Variants in SCN2A observed in about 807,000 individuals in gnomAD.
The protein encoded by SCN2A is sodium channel protein type 2 subunit alpha.
A neutral mutation model predicts 188.7 loss-of-function variants in SCN2A; 20 were observed. The ratio of observed to expected loss-of-function variants is 0.11; its 90% CI spans 0.07 to 0.15. The LOEUF (loss-of-function observed/expected upper bound fraction) is 0.15. SCN2A is among the 10% of genes least tolerant of loss of function. SCN2A has a pLI of 1.00. For missense variants in SCN2A, 1,278 were observed against 2,445.0 expected, an observed-to-expected ratio of 0.52 and a Z score of 10.07; for synonymous variants, 804 against 833.1, an observed-to-expected ratio of 0.97 and a Z score of 0.60.
chr2:165,240,416 G>A (rs760831682), intron 1 of SCN2A, among the ~76,000 whole-genome samples: 20 of 152,078 alleles, frequency 1.3e-4, no homozygotes, highest in Non-Finnish European at 2.6e-4. Flanking sequence ...GTTAAAGAGT[G>A]GAATGACTCA....
At chr2:165,262,225 T>A (rs1428929194) in intron 1 of SCN2A, among the ~76,000 whole-genome samples, 2 of 152,134 alleles carry the variant, frequency 1.3e-5, no homozygotes, top group East Asian at 1.9e-4. Context: ...ATTTCTTTTT[T>A]AAAAAAATTT....
At chr2:165,362,382 A>G (rs72874364) in intron 17 of SCN2A, among the ~76,000 whole-genome samples, 20,948 of 151,984 alleles carry the variant, frequency 0.14, 1,499 homozygotes, top group Non-Finnish European at 0.15. Flanking sequence ...TTATAATTTG[A>G]AATTCCAGAG....
intron 1 of SCN2A, among the ~76,000 whole-genome samples, chr2:165,283,872 A>C (rs1695700421): frequency 6.6e-6 from 1 of 152,168 alleles, no homozygotes; most frequent in African/African-American, 2.4e-5. Context: ...ATACACCCTG[A>C]TCACTCCCAC....
At chr2:165,292,709 T>C (rs560745898) in intron 1 of SCN2A, among the ~76,000 whole-genome samples, 1 of 152,358 alleles carries the variant, frequency 6.6e-6, no homozygotes, top group East Asian at 1.9e-4. Flanking sequence ...TGTTTTCTTT[T>C]TATGATTGAG....
At chr2:165,387,119 C>A in intron 26 of SCN2A, 103 bp downstream of exon 26, 1 of 1,196,634 alleles carries the variant, frequency 8.4e-7, no homozygotes, top group Non-Finnish European at 1.2e-6. Context: ...TCATCCCAAA[C>A]TCCCAAATAA....
chr2:165,249,223 T>A (rs1023916108), intron 1 of SCN2A, among the ~76,000 whole-genome samples: 4 of 152,130 alleles, frequency 2.6e-5, no homozygotes, highest in Non-Finnish European at 5.9e-5. Flanking sequence ...ATATGCTGTT[T>A]TAGTCATAGG....
At chr2:165,331,195 C>T in intron 13 of SCN2A, 135 bp from the exon 14 acceptor site, 1 of 729,650 alleles carries the variant, frequency 1.4e-6, no homozygotes, top group Non-Finnish European at 2.4e-6. Flanking sequence ...GTAAAATTTT[C>T]CCTGTTCCTC....
intron 19 of SCN2A, among the ~76,000 whole-genome samples, chr2:165,368,900 CA>C (rs1700873186): frequency 6.6e-6 from 1 of 151,744 alleles, no homozygotes; most frequent in African/African-American, 2.4e-5. Flanking sequence ...TAAAGAGGAT[CA>C]GCCATGCTTT....
At chr2:165,318,968 T>C (rs1343372679) in intron 11 of SCN2A, among the ~76,000 whole-genome samples, 1 of 152,204 alleles carries the variant, frequency 6.6e-6, no homozygotes, top group East Asian at 1.9e-4. Flanking sequence ...GTTACTAATG[T>C]AGTTAATAGG....
At chr2:165,323,541 T>G in intron 12 of SCN2A, 41 bp downstream of exon 12, 1 of 1,542,634 alleles carries the variant, frequency 6.5e-7, no homozygotes. Context: ...AAGAGAGTTG[T>G]GACTGGTGCA....
intron 13 of SCN2A, among the ~76,000 whole-genome samples, chr2:165,328,830 A>G (rs1698506177): frequency 6.6e-6 from 1 of 152,098 alleles, no homozygotes; most frequent in African/African-American, 2.4e-5. Flanking sequence ...GTGAGAAATA[A>G]TGGCCAAGTT....
chr2:165,297,393 A>G (rs1696568504), intron 3 of SCN2A, among the ~76,000 whole-genome samples: 1 of 152,200 alleles, frequency 6.6e-6, no homozygotes, highest in African/African-American at 2.4e-5. Flanking sequence ...ATTGCTTGCC[A>G]CATCCCAAGC....
chr2:165,368,530 G>T (rs1336762049), intron 19 of SCN2A, among the ~76,000 whole-genome samples: 1 of 152,072 alleles, frequency 6.6e-6, no homozygotes, highest in South Asian at 2.1e-4. Context: ...ACTCCATGCT[G>T]CAGGGGACTC....
rs546968167 is a variant in SCN2A at position 165,382,296 on chromosome 2, A to G, written c.4551+1099A>G. Among the ~76,000 whole-genome samples the G allele has an allele frequency of 2.6e-5, 4 of 152,270 alleles. No homozygotes were observed. In the South Asian group the frequency reaches 6.2e-4, roughly 24 times the overall value. ...TCTAATTAAGCAATACAAATGCAAT[A>G]TAGTTAACAGAACAGCCTAGTAATG... On this transcript the variant is annotated intron_variant, in intron 25 of 26. Coordinates refer to ENST00000375437, the MANE Select transcript of SCN2A (RefSeq NM_001040142.2).
At chr2:165,352,107 C>G (rs1057263730) in intron 16 of SCN2A, among the ~76,000 whole-genome samples, 5 of 151,924 alleles carry the variant, frequency 3.3e-5, no homozygotes, top group Admixed American at 2.6e-4. Context: ...CTTTAATATA[C>G]TTTAGGAAAA....
chr2:165,279,549 T>G (rs991286458), intron 1 of SCN2A, among the ~76,000 whole-genome samples: 3 of 152,254 alleles, frequency 2.0e-5, no homozygotes, highest in Non-Finnish European at 4.4e-5. Context: ...AGCCAAGTTT[T>G]TAAAAATATT....
chr2:165,318,334 A>G (rs1055748575), intron 11 of SCN2A, among the ~76,000 whole-genome samples: 7 of 152,220 alleles, frequency 4.6e-5, no homozygotes, highest in Admixed American at 1.3e-4. Context: ...ACAAGTTTCA[A>G]GATAATCTGG....
At position 165,329,984 on chromosome 2, in the gene SCN2A, A is replaced by G. The variant is rs559162513; in HGVS notation, c.2150-1346A>G. Among the ~76,000 whole-genome samples the G allele has an allele frequency of 4.6e-5, 7 of 152,038 alleles. No individual in the cohort carries two copies. In the South Asian group the frequency reaches 1.0e-3, roughly 22 times the overall value. ...GTGGAAATTTTAAAAACAATAAGCA[A>G]TAAATTAATTTACTTAGGAAAATAG... On this transcript the variant is annotated intron_variant, in intron 13 of 26. Coordinates refer to ENST00000375437, the MANE Select transcript of SCN2A (RefSeq NM_001040142.2).
At chr2:165,275,667 GA>G (rs1185381793) in intron 1 of SCN2A, among the ~76,000 whole-genome samples, 6 of 152,122 alleles carry the variant, frequency 3.9e-5, no homozygotes, top group Non-Finnish European at 7.4e-5. Context: ...CTATATGTAA[GA>G]GCTTGAAAGA....
Sources: allele counts gnomAD v4.1 joint callset (sites outside exome capture counted in the v4.1 genomes callset), GRCh38; gene constraint gnomAD v4.1.1; transcripts MANE v1.5; gene names NCBI Gene and HGNC (gene_info 2026-07-23, HGNC 2026-07-21).